The following SUPT16H variants were observed in gnomAD, a reference collection of about 807,000 sequenced individuals.
The protein encoded by SUPT16H is SPT16 homolog, facilitates chromatin remodeling subunit.
Under a neutral mutation model 136.2 loss-of-function variants are expected in SUPT16H, and 24 were observed. The observed-to-expected ratio is 0.18, with a 90% CI of 0.13 to 0.25. The LOEUF (loss-of-function observed/expected upper bound fraction) is 0.25. Ranked by LOEUF, SUPT16H falls within the 10% of genes least tolerant of loss-of-function variation. SUPT16H has a pLI of 1.00. For synonymous variants in SUPT16H, 415 were observed against 428.2 expected (o/e 0.97, Z 0.38); for missense variants, 623 against 1,270.2 (o/e 0.49, Z 7.74).
chr14:21,383,716 C>T (rs1887100631), intron 1 of SUPT16H, 146 bp downstream of exon 1: 1 of 900,720 alleles, frequency 1.1e-6, no homozygotes, highest in Non-Finnish European at 1.8e-6. Flanking sequence ...GTGGCCGCCT[C>T]CGGTGAATGA....
At chr14:21,366,058 C>T (rs1355555884) in intron 8 of SUPT16H, among the ~76,000 whole-genome samples, 1 of 152,170 alleles carries the variant, frequency 6.6e-6, no homozygotes, top group Non-Finnish European at 1.5e-5. Context: ...GGCACGACTG[C>T]ACCACTGCAC....
At position 21,365,199 on chromosome 14, in the gene SUPT16H, A is replaced by G. The variant is rs1355802118; in HGVS notation, c.1047-56T>C. 4.1e-6 allele frequency: 6 copies of G among 1,472,274 alleles called. No homozygotes were observed. In the East Asian group the frequency reaches 1.4e-4, roughly 34 times the overall value. The allele number at this position is 1,472,274 out of a possible 1,614,324, so 91.2% of individuals were successfully genotyped here. A position where few individuals can be genotyped will look rare whatever the true frequency, so the allele number is the denominator to read the frequency against. On this transcript the variant is annotated intron_variant, in intron 8 of 25. Coordinates refer to ENST00000216297, the MANE Select transcript of SUPT16H (RefSeq NM_007192.4). ...GGCTAAAGATCTCTAACATGGATCA[A>G]GCATAACATATTCATTTCAACTTTC... is the stretch of plus-strand genomic sequence containing the variant.
chr14:21,368,530 T>C, intron 6 of SUPT16H, 89 bp from the exon 7 acceptor site: 1 of 1,376,500 alleles, frequency 7.3e-7, no homozygotes, highest in Non-Finnish European at 9.6e-7. Flanking sequence ...TAATCATTAC[T>C]TTTCCCTGCC....
At chr14:21,380,538 G>A (rs552912004) in intron 1 of SUPT16H, among the ~76,000 whole-genome samples, 22 of 152,174 alleles carry the variant, frequency 1.4e-4, no homozygotes, top group African/African-American at 5.3e-4. Context: ...GAGCCAGAAA[G>A]CTCCACTCAA....
chr14:21,357,114 A>T, intron 22 of SUPT16H, 83 bp downstream of exon 22: 1 of 1,354,728 alleles, frequency 7.4e-7, no homozygotes, highest in Non-Finnish European at 9.7e-7. Flanking sequence ...ATATCAGTAG[A>T]TTTTATGCAC....
rs933753496 is a variant in SUPT16H, at chr14:21,365,210, T to C, written c.1047-67A>G. ...TCTAACATGGATCAAGCATAACATATTCATTTCAACTTTCACAATAAGACA... is the reference window on the plus strand; with the variant it reads ...TCTAACATGGATCAAGCATAACATACTCATTTCAACTTTCACAATAAGACA... On this transcript the variant is annotated intron_variant, in intron 8 of 25. Transcript: ENST00000216297. The C allele has an allele frequency of 1.1e-5, 16 of 1,418,476 alleles. No homozygotes were observed. The East Asian group carries it at 2.6e-4, about 23-fold the overall frequency. 87.9% of individuals were successfully genotyped at this position (1,418,476 alleles called of 1,614,324 possible). A position where few individuals can be genotyped will look rare whatever the true frequency, so the allele number is the denominator to read the frequency against.
At chr14:21,368,135 T>C in intron 7 of SUPT16H, 134 bp downstream of exon 7, 2 of 867,708 alleles carry the variant, frequency 2.3e-6, no homozygotes, top group Non-Finnish European at 3.5e-6. Flanking sequence ...CCCAGGCTGG[T>C]CTTGAACTCC....
At chr14:21,378,893 T>C (rs180809778) in intron 1 of SUPT16H, among the ~76,000 whole-genome samples, 1 of 152,294 alleles carries the variant, frequency 6.6e-6, no homozygotes, top group East Asian at 1.9e-4. Context: ...AAATAAAATA[T>C]AAAACAGGTG....
chr14:21,367,345 T>C (rs1472858132), intron 7 of SUPT16H, among the ~76,000 whole-genome samples: 1 of 152,230 alleles, frequency 6.6e-6, no homozygotes, highest in Non-Finnish European at 1.5e-5. Context: ...TTATACATTT[T>C]CAAAAACAGA....
At chr14:21,382,965 T>TAAC (rs2139423164) in intron 1 of SUPT16H, 1 of 152,332 alleles carries the variant, frequency 6.6e-6, no homozygotes, top group South Asian at 2.1e-4. Flanking sequence ...TGATCATTTT[T>TAAC]CTCAAAACGT....
chr14:21,370,074 C>G (rs1472888295), intron 4 of SUPT16H, among the ~76,000 whole-genome samples, 178 bp from the exon 5 acceptor site: 1 of 152,152 alleles, frequency 6.6e-6, no homozygotes, highest in East Asian at 1.9e-4. Flanking sequence ...AGCTCTTTGC[C>G]AGGTCATTGT....
At chr14:21,353,893 T>C in intron 23 of SUPT16H, 61 bp from the exon 24 acceptor site, 1 of 1,525,120 alleles carries the variant, frequency 6.6e-7, no homozygotes, top group Non-Finnish European at 8.9e-7. Flanking sequence ...ACTTAATGAA[T>C]TAATTCAGCC....
Position 21,362,812 on chromosome 14 carries a change from A to T in SUPT16H, c.1647T>A (p.Phe549Leu). The change falls in exon 14 of 26, where the codon TTT becomes TTA. Residue 549 changes from phenylalanine (F) to leucine (L), a missense_variant. By Grantham distance (22) the Phe-to-Leu change is conservative. Coordinates refer to ENST00000216297, the MANE Select transcript of SUPT16H (RefSeq NM_007192.4). ...IMPVFGIATP[F>L]HIATIKNISM... ...TCAGTACCTTGATTGTGGCAATGTG[A>T]AACGGTGTTGCAATGCCAAACACGG... The T allele has an allele frequency of 6.2e-7, 1 of 1,607,582 alleles. No homozygotes were observed.
chr14:21,373,571 C>T (rs929381580), intron 1 of SUPT16H, 141 bp from the exon 2 acceptor site: 14 of 661,442 alleles, frequency 2.1e-5, no homozygotes, highest in African/African-American at 5.5e-5. Flanking sequence ...GGCAGTCTTA[C>T]GGCTATTCTA....
intron 1 of SUPT16H, among the ~76,000 whole-genome samples, chr14:21,380,293 TGAA>T (rs886686653): frequency 7.1e-5 from 9 of 126,138 alleles, no homozygotes; most frequent in Non-Finnish European, 1.4e-4. Flanking sequence ...GATGGAAGAC[TGAA>T]TTTTTTTTTT....
At chr14:21,365,563 A>G (rs1171294983) in intron 8 of SUPT16H, among the ~76,000 whole-genome samples, 4 of 152,196 alleles carry the variant, frequency 2.6e-5, no homozygotes, top group Admixed American at 2.0e-4. Context: ...ATATAGGTAT[A>G]TATTTCCATG....
chr14:21,370,012 G>T, intron 4 of SUPT16H, 116 bp from the exon 5 acceptor site: 2 of 1,227,954 alleles, frequency 1.6e-6, no homozygotes, highest in Non-Finnish European at 2.3e-6. Context: ...ACTATCACTG[G>T]TTTGCAGAAT....
rs1286787835 is a variant in SUPT16H at position 21,352,137 on chromosome 14, A to C, written c.*536T>G. On this transcript the variant is annotated 3_prime_UTR_variant, in exon 26 of 26. Transcript: ENST00000216297. ...AAAACTCAGACGAAGGCACCAGCCCAATCTGCCTCACTGGCTCAAGCTGTA... is the reference window on the plus strand; with the variant it reads ...AAAACTCAGACGAAGGCACCAGCCCCATCTGCCTCACTGGCTCAAGCTGTA... 1.3e-5 allele frequency: 2 copies of C among 157,524 alleles called. No homozygotes were observed. Among genetic ancestry groups the C allele is most frequent in the South Asian group, 1.8e-4 (1 of 5,474 alleles). The allele number at this position is 157,524 out of a possible 1,614,324, so 9.8% of individuals were successfully genotyped here. A position where few individuals can be genotyped will look rare whatever the true frequency, so the allele number is the denominator to read the frequency against.
Position 21,383,873 on chromosome 14 carries a change from T to G in SUPT16H, c.55A>C (p.Ser19Arg). 6.2e-7 allele frequency: 1 copy of G among 1,613,922 alleles called. No individual in the cohort carries two copies. Among genetic ancestry groups the G allele is most frequent in the Non-Finnish European group, 8.5e-7 (1 of 1,180,032 alleles). ...AGGATCTTCCTCACCCGCCAATTGC[T>G]GTACAGTCTCTTCACTCGCCGATAA... The part of the protein sequence containing the change: ...AYYRRVKRLY[S>R]NWRKGEDEYA... Residue 19 changes from serine (S) to arginine (R), a missense_variant, in exon 1 of 26, where the codon AGC becomes CGC. This residue lies in a region of SUPT16H where 343 missense variants were observed against 525.7 expected (regional missense o/e 0.65). Transcript: ENST00000216297.
Sources: allele counts gnomAD v4.1 joint callset (sites outside exome capture counted in the v4.1 genomes callset), GRCh38; gene constraint gnomAD v4.1.1; regional missense constraint gnomAD v4.1.1; transcripts MANE v1.5; gene names NCBI Gene and HGNC (gene_info 2026-07-23, HGNC 2026-07-21).